Variants in KIF1A observed in about 807,000 individuals in gnomAD.
The protein encoded by KIF1A is kinesin family member 1A, also known as kinesin-like protein KIF1A.
A neutral mutation model predicts 227.3 loss-of-function variants in KIF1A; 46 were observed. The ratio of observed to expected loss-of-function variants is 0.20; its 90% CI spans 0.16 to 0.26. The LOEUF is 0.26. Among genes scored for constraint, KIF1A ranks in the 10% least tolerant of loss-of-function variants. The pLI is 1.00. For missense variants in KIF1A, 1,683 were observed against 2,485.9 expected, an observed-to-expected ratio of 0.68 and a Z score of 6.87; for synonymous variants, 1,022 against 1,012.8, an observed-to-expected ratio of 1.01 and a Z score of -0.17.
Position 240,740,054 on chromosome 2 carries a change from T to C in KIF1A, c.3901+4A>G. 1 of 1,577,850 alleles carries C rather than the reference T, an allele frequency of 6.3e-7. No homozygotes were observed. ...CACCAAGGCAGCCCCCACACCGCAC[T>C]CACCCACGACCAGCTCGCGCACTTC... On this transcript the variant is annotated splice_donor_region_variant and intron_variant, in intron 37 of 48. Transcript: ENST00000498729. The surrounding 1 kb of genome is among the most constrained non-coding windows in gnomAD (Gnocchi z 6.1).
Position 240,736,970 on chromosome 2 carries a change from C to T in KIF1A, c.4007+93G>A. On this transcript the variant is annotated intron_variant, in intron 38 of 48. Transcript: ENST00000498729. The surrounding 1 kb of genome is among the most constrained non-coding windows in gnomAD (Gnocchi z 4.7). ...GGCCGGGAGAGCGTTGAGCGGGTCA[C>T]CTTGTGTGGCTGAACCCTGTGCCGG... The T allele has an allele frequency of 1.9e-6, 2 of 1,041,194 alleles. No individual in the cohort carries two copies. The highest frequency in any genetic ancestry group is 2.6e-5 in the South Asian group (2 of 75,808). 64.5% of individuals were successfully genotyped at this position (1,041,194 alleles called of 1,614,324 possible).
At chr2:240,783,447 G>A (rs938897756) in intron 8 of KIF1A, among the ~76,000 whole-genome samples, 3 of 152,192 alleles carry the variant, frequency 2.0e-5, no homozygotes, top group African/African-American at 4.8e-5. Flanking sequence ...ACTGCTTCCC[G>A]GGTGGTGCCC....
rs1202951059 is a variant in KIF1A at position 240,732,005 on chromosome 2, G to A, written c.4007+5058C>T. ...GGAGCCAATGAGGGGAGGAGGGGAT[G>A]ACGGGAGGAGGGAATGAGGGGAGGA... On this transcript the variant is annotated intron_variant, in intron 38 of 48. Transcript: ENST00000498729. Among the ~76,000 whole-genome samples, 160 of 118,622 alleles carry A rather than the reference G, an allele frequency of 1.3e-3. 3 individuals are homozygous for A. The highest frequency in any genetic ancestry group is 2.1e-3 in the Non-Finnish European group (115 of 55,788). The allele number at this position is 118,622 out of a possible 152,430, so 77.8% of individuals were successfully genotyped here. A position where few individuals can be genotyped will look rare whatever the true frequency, so the allele number is the denominator to read the frequency against.
rs2052417116 is a variant in KIF1A, at chr2:240,774,174, A to G, written c.1037+9T>C. On this transcript the variant is annotated intron_variant, in intron 12 of 48. Transcript: ENST00000498729. ...CGGGAAGCAGAGCTTGTCTCCCTGG[A>G]GAACTCACCTCAGCGTGCTAAGGGT... The G allele has an allele frequency of 2.6e-6, 4 of 1,564,436 alleles. No individual in the cohort carries two copies. Among genetic ancestry groups the G allele is most frequent in the Non-Finnish European group, 3.5e-6 (4 of 1,140,616 alleles).
intron 44 of KIF1A, 35 bp downstream of exon 44, chr2:240,721,772 T>C (rs1344981164): frequency 6.4e-7 from 1 of 1,565,058 alleles, no homozygotes; most frequent in Admixed American, 1.7e-5. Flanking sequence ...GCCCGAGCCC[T>C]GCGGGGCAGC....
At chr2:240,798,059 A>C in intron 1 of KIF1A, 5 of 274,174 alleles carry the variant, frequency 1.8e-5, no homozygotes, top group East Asian at 7.7e-5. Flanking sequence ...AGAAACAGAA[A>C]CACAGCGACC....
rs538050314 is a variant in KIF1A, at chr2:240,725,837, C to T, written c.4123-433G>A. The stretch of plus-strand genomic sequence containing the variant: ...TTCCTGGTGGATGACACGCTAACTG[C>T]TGAACAGCTGGCCCCTTTGTCTTCC... On this transcript the variant is annotated intron_variant, in intron 39 of 48. Transcript: ENST00000498729. This position sits in a 1 kb window ranked among gnomAD's most constrained non-coding sequence, Gnocchi z 5.8. 53 of 163,666 alleles carry T rather than the reference C, an allele frequency of 3.2e-4. No individual in the cohort carries two copies. Among genetic ancestry groups the T allele is most frequent in the African/African-American group, 1.2e-3 (50 of 41,784 alleles). 10.1% of individuals were successfully genotyped at this position (163,666 alleles called of 1,614,324 possible).
chr2:240,811,386 G>T (rs2057852549), intron 1 of KIF1A, among the ~76,000 whole-genome samples: 1 of 152,102 alleles, frequency 6.6e-6, no homozygotes, highest in South Asian at 2.1e-4. Context: ...AAGAAGAAAA[G>T]AAAAGAAAAG....
chr2:240,793,169 G>A lies in KIF1A; in HGVS notation c.107-3857C>T, dbSNP rs1202690813. Among the ~76,000 whole-genome samples, 3 of 152,222 alleles carry A rather than the reference G, an allele frequency of 2.0e-5. No individual in the cohort carries two copies. Among genetic ancestry groups the A allele is most frequent in the Non-Finnish European group, 4.4e-5 (3 of 68,024 alleles). ...CTGCTCGGGATTGGGGGAGCCCACA[G>A]CGGAGGCTGGGGGCCTGGGTCGCAC... On this transcript the variant is annotated intron_variant, in intron 2 of 48. Coordinates refer to ENST00000498729, the MANE Select transcript of KIF1A (RefSeq NM_001244008.2). This position sits in a 1 kb window ranked among gnomAD's most constrained non-coding sequence, Gnocchi z 4.8.
At position 240,743,925 on chromosome 2, in the gene KIF1A, C is replaced by G. The variant is rs533159208; in HGVS notation, c.3584+17G>C. ...TTGAGGACAGCAGCCCCGAACCCCC[C>G]GACCCAGGGCGCTAACCTGAGCACG... On this transcript the variant is annotated intron_variant, in intron 33 of 48. Coordinates refer to ENST00000498729, the MANE Select transcript of KIF1A (RefSeq NM_001244008.2). 5.1e-6 allele frequency: 8 copies of G among 1,568,290 alleles called. No homozygotes were observed. In the African/African-American group the frequency reaches 1.1e-4, roughly 21 times the overall value.
intron 23 of KIF1A, among the ~76,000 whole-genome samples, chr2:240,762,207 C>T (rs182986823): frequency 4.6e-5 from 7 of 152,352 alleles, no homozygotes; most frequent in African/African-American, 1.4e-4. Flanking sequence ...CCCCTCCCCA[C>T]CTGCATGTGG....
chr2:240,785,682 G>A (rs372825196), intron 6 of KIF1A, among the ~76,000 whole-genome samples: 27 of 152,202 alleles, frequency 1.8e-4, no homozygotes, highest in African/African-American at 4.1e-4. Context: ...CCTCCAGCAC[G>A]GAGTCACAAT....
At chr2:240,813,107 C>T (rs879477274) in intron 1 of KIF1A, among the ~76,000 whole-genome samples, 2 of 152,162 alleles carry the variant, frequency 1.3e-5, no homozygotes, top group Non-Finnish European at 2.9e-5. Flanking sequence ...AACAAAGCAT[C>T]GGCATGGGCC....
chr2:240,772,229 C>T (rs1245900722), intron 14 of KIF1A, among the ~76,000 whole-genome samples: 11 of 152,188 alleles, frequency 7.2e-5, no homozygotes, highest in African/African-American at 1.2e-4. Flanking sequence ...TCCTGACCTT[C>T]GCAGGCCTTT....
chr2:240,789,445 G>T lies in KIF1A; in HGVS notation c.107-133C>A. On this transcript the variant is annotated intron_variant, in intron 2 of 48. Transcript: ENST00000498729. The surrounding 1 kb of genome is among the most constrained non-coding windows in gnomAD (Gnocchi z 4.8). ...ACAAGCCAGGCCCCCAAATTGGAGGGGACCTAGGACCCCACTCCCAGGCAG... is the reference window on the plus strand; with the variant it reads ...ACAAGCCAGGCCCCCAAATTGGAGGTGACCTAGGACCCCACTCCCAGGCAG... The T allele has an allele frequency of 1.4e-6, 1 of 690,460 alleles. No homozygotes were observed. The highest frequency in any genetic ancestry group is 2.6e-6 in the Non-Finnish European group (1 of 387,270). 42.8% of individuals were successfully genotyped at this position (690,460 alleles called of 1,614,324 possible).
chr2:240,762,690 C>T (rs1252163832), intron 23 of KIF1A, 29 bp downstream of exon 23: 1 of 1,551,310 alleles, frequency 6.4e-7, no homozygotes, highest in Admixed American at 1.8e-5. Flanking sequence ...CCTCCTGACG[C>T]AGCAGGTGCT....
chr2:240,762,623 G>C, intron 23 of KIF1A, 96 bp downstream of exon 23: 1 of 1,396,390 alleles, frequency 7.2e-7, no homozygotes, highest in East Asian at 2.6e-5. Context: ...CAGGGCAAAA[G>C]TGCTGACCAG....
At chr2:240,754,895 G>C (rs564192473) in intron 27 of KIF1A, among the ~76,000 whole-genome samples, 1 of 152,232 alleles carries the variant, frequency 6.6e-6, no homozygotes, top group East Asian at 1.9e-4. Context: ...GCACAGAGCT[G>C]ACCCAGAGTG....
At chr2:240,741,929 C>T (rs1207191311) in intron 34 of KIF1A, among the ~76,000 whole-genome samples, 1 of 152,210 alleles carries the variant, frequency 6.6e-6, no homozygotes, top group Non-Finnish European at 1.5e-5. Context: ...CTCTGTCTAC[C>T]ACTCCCTTCT....
Sources: allele counts gnomAD v4.1 joint callset (sites outside exome capture counted in the v4.1 genomes callset), GRCh38; gene constraint gnomAD v4.1.1; non-coding constraint Gnocchi (gnomAD v3.1); transcripts MANE v1.5; gene names NCBI Gene and HGNC (gene_info 2026-07-23, HGNC 2026-07-21).